NUP210L: variants seen among roughly 807,000 people sequenced by gnomAD.
NUP210L encodes nuclear pore membrane glycoprotein 210-like.
Under a neutral mutation model 208.5 loss-of-function variants are expected in NUP210L, and 74 were observed. That is an observed-to-expected ratio of 0.35 (90% CI 0.29 to 0.43). The LOEUF is 0.43. Among genes scored for constraint, NUP210L ranks in the 20% least tolerant of loss-of-function variants. NUP210L has a pLI of 1.00. For synonymous variants in NUP210L, 780 were observed against 816.9 expected, an observed-to-expected ratio of 0.95 and a Z score of 0.77; for missense variants, 1,843 against 2,289.4, an observed-to-expected ratio of 0.81 and a Z score of 3.98.
At chr1:154,133,119 C>G (rs1344286889) in intron 7 of NUP210L, among the ~76,000 whole-genome samples, 6 of 152,224 alleles carry the variant, frequency 3.9e-5, no homozygotes, top group Non-Finnish European at 7.3e-5. Context: ...TCACTGTCTT[C>G]CTTACTCTTC....
rs11807781 is a variant in NUP210L at position 154,082,322 on chromosome 1, G to A, written c.2361+7099C>T. 2.6e-3 allele frequency among the ~76,000 whole-genome samples: 393 copies of A among 152,322 alleles called. 4 individuals carry two copies. The highest frequency in any genetic ancestry group is 0.017 in the Middle Eastern group (5 of 294). ...TGGAGTCAGCTAACTGCATATTGGT[G>A]TCAGAATTGCATTGTGGTATTGCCA... is the stretch of plus-strand genomic sequence containing the variant. On this transcript the variant is annotated intron_variant, in intron 16 of 39. Coordinates refer to ENST00000368559, the Ensembl canonical transcript of NUP210L.
chr1:154,012,121 G>T, intron 34 of NUP210L, 123 bp downstream of exon 34: 1 of 935,358 alleles, frequency 1.1e-6, no homozygotes, highest in Non-Finnish European at 1.6e-6. Context: ...TGATTTATTT[G>T]TCAAGATGGA....
intron 27 of NUP210L, among the ~76,000 whole-genome samples, chr1:154,030,972 TC>T (rs1652181473): frequency 6.6e-6 from 1 of 152,218 alleles, no homozygotes; most frequent in Non-Finnish European, 1.5e-5. Context: ...GGTCTCAAAC[TC>T]CTGGGCTCAA....
chr1:154,076,841 G>T (rs1332233789), intron 16 of NUP210L, among the ~76,000 whole-genome samples: 1 of 152,050 alleles, frequency 6.6e-6, no homozygotes, highest in Non-Finnish European at 1.5e-5. Flanking sequence ...CCAAATTGAT[G>T]AAAACCATTA....
intron 11 of NUP210L, 91 bp downstream of exon 11, chr1:154,118,580 G>A (rs1657450811): frequency 6.3e-6 from 6 of 956,378 alleles, no homozygotes; most frequent in Non-Finnish European, 8.7e-6. Flanking sequence ...AGGATTGGGA[G>A]GAAATAAATG....
At chr1:154,036,734 T>C (rs544984421) in intron 27 of NUP210L, among the ~76,000 whole-genome samples, 1 of 152,176 alleles carries the variant, frequency 6.6e-6, no homozygotes, top group African/African-American at 2.4e-5. Context: ...GGCACCATTA[T>C]AGCTCACTGC....
chr1:154,107,740 G>A (rs1656842452), intron 12 of NUP210L, among the ~76,000 whole-genome samples: 1 of 151,264 alleles, frequency 6.6e-6, no homozygotes. Context: ...GGTGGCGCAT[G>A]CTATAATCCC....
intron 35 of NUP210L, among the ~76,000 whole-genome samples, chr1:154,005,783 G>C (rs533343981): frequency 6.7e-6 from 1 of 150,234 alleles, no homozygotes; most frequent in South Asian, 2.1e-4. Flanking sequence ...GAGTGCAATG[G>C]CGTGATCTCA....
intron 16 of NUP210L, among the ~76,000 whole-genome samples, chr1:154,073,012 G>A (rs1360026792): frequency 6.6e-6 from 1 of 152,068 alleles, no homozygotes; most frequent in African/African-American, 2.4e-5. Context: ...AAATCTTCAC[G>A]ATCTATACAT....
intron 16 of NUP210L, among the ~76,000 whole-genome samples, chr1:154,082,326 G>A (rs1655380545): frequency 6.6e-6 from 1 of 152,212 alleles, no homozygotes; most frequent in East Asian, 1.9e-4. Context: ...ATTGGTGTCA[G>A]AATTGCATTG....
In NUP210L at chr1:154,080,670, G is replaced by A. The variant is rs137905139; in HGVS notation, c.2361+8751C>T. Among the ~76,000 whole-genome samples the A allele has an allele frequency of 2.2e-4, 33 of 151,384 alleles. No individual in the cohort carries two copies. The East Asian group carries it at 4.5e-3, about 21-fold the overall frequency. ...ACTGCACTCCAGCCTAAGCGACAGA[G>A]CGAGACCATCTCAAATAAATAAATA... On this transcript the variant is annotated intron_variant, in intron 16 of 39. Transcript: ENST00000368559.
At chr1:154,154,625 GT>G (rs1659598894) in intron 1 of NUP210L, among the ~76,000 whole-genome samples, 1 of 152,082 alleles carries the variant, frequency 6.6e-6, no homozygotes, top group African/African-American at 2.4e-5. Flanking sequence ...CTGGAAGATT[GT>G]CACACAGCTG....
At chr1:154,086,249 A>C (rs774863310) in intron 16 of NUP210L, among the ~76,000 whole-genome samples, 140 of 152,008 alleles carry the variant, frequency 9.2e-4, no homozygotes, top group Non-Finnish European at 1.6e-3. Context: ...AAAGAAAAAA[A>C]CAAAACAAAA....
intron 1 of NUP210L, among the ~76,000 whole-genome samples, chr1:154,153,671 C>T (rs1160493013): frequency 6.6e-6 from 1 of 152,160 alleles, no homozygotes; most frequent in African/African-American, 2.4e-5. Flanking sequence ...GTCTCAAACT[C>T]CTGGCCTCAA....
intron 16 of NUP210L, among the ~76,000 whole-genome samples, chr1:154,081,531 A>C (rs1158202490): frequency 1.3e-5 from 2 of 152,174 alleles, no homozygotes; most frequent in African/African-American, 4.8e-5. Flanking sequence ...GGACAGAAAG[A>C]CCAATCATGT....
intron 31 of NUP210L, 75 bp downstream of exon 31, chr1:154,023,047 G>A: frequency 3.8e-6 from 5 of 1,327,504 alleles, no homozygotes; most frequent in Non-Finnish European, 5.2e-6. Flanking sequence ...GAATTTACTG[G>A]AGCTGCTATA....
At chr1:154,138,071 A>G (rs1415237128) in intron 6 of NUP210L, 35 bp downstream of exon 6, 1 of 1,432,236 alleles carries the variant, frequency 7.0e-7, no homozygotes, top group Non-Finnish European at 9.2e-7. Flanking sequence ...GATTTGGGAA[A>G]TGTGAGTCAT....
At chr1:154,116,839 T>C (rs1571292910) in intron 12 of NUP210L, among the ~76,000 whole-genome samples, 1 of 152,272 alleles carries the variant, frequency 6.6e-6, no homozygotes, top group East Asian at 1.9e-4. Flanking sequence ...ACACTAGAGA[T>C]AAAGTTACTA....
intron 16 of NUP210L, among the ~76,000 whole-genome samples, chr1:154,072,407 A>G (rs1342406413): frequency 8.1e-6 from 1 of 123,848 alleles, no homozygotes; most frequent in African/African-American, 3.2e-5. Flanking sequence ...ATCTCGGCTC[A>G]CTGCAAGCTC....
Sources: allele counts gnomAD v4.1 joint callset (sites outside exome capture counted in the v4.1 genomes callset), GRCh38; gene constraint gnomAD v4.1.1; transcripts MANE v1.5; gene names NCBI Gene and HGNC (gene_info 2026-07-23, HGNC 2026-07-21).